AMPH: variants seen among roughly 807,000 people sequenced by gnomAD.
AMPH encodes amphiphysin, also known as amphiphysin (Stiff-Mann syndrome with breast cancer 128kD autoantigen).
In AMPH, 49 loss-of-function variants were observed where a neutral mutation model predicts 99.1. The observed-to-expected ratio is 0.49, with a 90% CI of 0.39 to 0.63. The LOEUF is 0.63. Among genes scored for constraint, AMPH ranks in the 20% least tolerant of loss-of-function variants. AMPH has a pLI of 0.00. For synonymous variants in AMPH, 314 were observed against 317.3 expected (o/e 0.99, Z 0.11); for missense variants, 759 against 863.4 (o/e 0.88, Z 1.52).
At position 38,417,893 on chromosome 7, in the gene AMPH, C is replaced by T; in HGVS notation, c.1330G>A (p.Val444Ile). 6.2e-7 allele frequency: 1 copy of T among 1,614,174 alleles called. No homozygotes were observed. The highest frequency in any genetic ancestry group is 2.2e-5 in the East Asian group (1 of 44,882). The change falls in exon 17 of 21, where the codon GTC (valine) becomes ATC (isoleucine). Residue 444 changes from valine (V) to isoleucine (I), a missense_variant. Transcript: ENST00000356264. ...EPKAEEPLAA[V>I]TPAVGLDLGM... ...AGGTCCAGACCAACGGCAGGTGTGA[C>T]AGCAGCCAGAGGCTCCTCTGCTTTT...
chr7:38,630,300 ACACAAATGAAGACCTCAGGG>A, intron 1 of AMPH, among the ~76,000 whole-genome samples: 1 of 152,196 alleles, frequency 6.6e-6, no homozygotes, highest in African/African-American at 2.4e-5. Context: ...TTTGCTCAGG[ACACAAATGAAGACCTCAGGG>A]CCGTCATATA....
chr7:38,485,163 C>A (rs1788439446), intron 5 of AMPH, among the ~76,000 whole-genome samples: 1 of 151,782 alleles, frequency 6.6e-6, no homozygotes, highest in Admixed American at 6.6e-5. Flanking sequence ...ATTAAATTCC[C>A]AGTCAAAAGA....
intron 3 of AMPH, among the ~76,000 whole-genome samples, chr7:38,498,134 C>T (rs1220435062): frequency 2.0e-5 from 3 of 152,168 alleles, no homozygotes; most frequent in African/African-American, 7.2e-5. Context: ...TCATGAATGC[C>T]ATCCAGTTGC....
chr7:38,530,598 G>T (rs907323873), intron 2 of AMPH, among the ~76,000 whole-genome samples: 2 of 152,190 alleles, frequency 1.3e-5, no homozygotes, highest in South Asian at 2.1e-4. Context: ...CAGCCCTCAA[G>T]GTATCTTCTT....
chr7:38,607,483 A>C (rs1793473714), intron 1 of AMPH, among the ~76,000 whole-genome samples: 1 of 152,196 alleles, frequency 6.6e-6, no homozygotes, highest in Non-Finnish European at 1.5e-5. Flanking sequence ...ATGATTTCTC[A>C]AGCTACCATC....
At chr7:38,591,946 T>C (rs549539237) in intron 1 of AMPH, among the ~76,000 whole-genome samples, 10 of 152,304 alleles carry the variant, frequency 6.6e-5, no homozygotes, top group African/African-American at 1.7e-4. Flanking sequence ...AAATATAGCA[T>C]GTGGAATGGG....
chr7:38,432,103 C>A (rs1786052195), intron 13 of AMPH, 86 bp downstream of exon 13: 1 of 1,164,096 alleles, frequency 8.6e-7, no homozygotes, highest in Non-Finnish European at 1.3e-6. Flanking sequence ...TGTCTTCTTT[C>A]TGTTGCAAAT....
In AMPH at chr7:38,610,250, A is replaced by AG. The variant is rs754172348; in HGVS notation, c.69+21032_69+21033insC. On this transcript the variant is annotated intron_variant, in intron 1 of 20. Transcript: ENST00000356264. ...AAGCTCTCTCAAAAAAAAAAAAAAA[A>AG]AAAAAAAAAAAAAGAAAGAAAGAAA... Among the ~76,000 whole-genome samples, 22 of 25,046 alleles carry AG rather than the reference A, an allele frequency of 8.8e-4. 4 individuals are homozygous for AG. The highest frequency in any genetic ancestry group is 1.3e-3 in the South Asian group (2 of 1,588). 16.4% of individuals were successfully genotyped at this position (25,046 alleles called of 152,430 possible). A position where few individuals can be genotyped will look rare whatever the true frequency, so the allele number is the denominator to read the frequency against.
intron 2 of AMPH, among the ~76,000 whole-genome samples, chr7:38,515,032 C>T (rs1405617924): frequency 1.3e-5 from 2 of 152,104 alleles, no homozygotes; most frequent in African/African-American, 4.8e-5. Context: ...ACCTAAATCT[C>T]CTTAGAGATT....
intron 1 of AMPH, among the ~76,000 whole-genome samples, chr7:38,556,320 G>A (rs1260334735): frequency 6.6e-6 from 1 of 152,090 alleles, no homozygotes; most frequent in Non-Finnish European, 1.5e-5. Context: ...TAATTTTACT[G>A]TTATTAGACA....
intron 1 of AMPH, among the ~76,000 whole-genome samples, chr7:38,567,138 C>T (rs563305981): frequency 7.2e-5 from 11 of 152,204 alleles, no homozygotes; most frequent in African/African-American, 2.2e-4. Flanking sequence ...TGGAACCAAC[C>T]GAAATGCTCA....
In AMPH at chr7:38,384,808, A is replaced by G. The variant is rs767185618; in HGVS notation, c.*10T>C. The G allele has an allele frequency of 3.7e-6, 6 of 1,611,188 alleles. No individual in the cohort carries two copies. In the South Asian group the frequency reaches 6.6e-5, roughly 18 times the overall value. On this transcript the variant is annotated 3_prime_UTR_variant, in exon 21 of 21. Coordinates refer to ENST00000356264, the MANE Select transcript of AMPH (RefSeq NM_001635.4). Reference sequence around the variant, plus strand: ...CCGTAACTGAGCTCCTTCTTGCAGTACTTGTTGCCCTAATCTAAGCGTCGG... The same window carrying G: ...CCGTAACTGAGCTCCTTCTTGCAGTGCTTGTTGCCCTAATCTAAGCGTCGG...
chr7:38,492,093 C>T (rs1214958380), intron 4 of AMPH, among the ~76,000 whole-genome samples: 1 of 152,250 alleles, frequency 6.6e-6, no homozygotes, highest in Non-Finnish European at 1.5e-5. Flanking sequence ...CTATTTGTCA[C>T]CAATCTCTAC....
chr7:38,572,303 A>G (rs1171660668), intron 1 of AMPH, among the ~76,000 whole-genome samples: 3 of 152,170 alleles, frequency 2.0e-5, no homozygotes, highest in Admixed American at 2.0e-4. Context: ...TATCTACAGT[A>G]TTCAGTGCAG....
At chr7:38,620,901 G>A (rs754569818) in intron 1 of AMPH, among the ~76,000 whole-genome samples, 8 of 152,144 alleles carry the variant, frequency 5.3e-5, no homozygotes, top group Admixed American at 6.5e-5. Flanking sequence ...CCCTTCAACA[G>A]GTAAGGGTAA....
At chr7:38,392,427 C>T (rs564184083) in intron 18 of AMPH, among the ~76,000 whole-genome samples, 1 of 125,210 alleles carries the variant, frequency 8.0e-6, no homozygotes, top group Non-Finnish European at 1.6e-5. Flanking sequence ...TGCTCTGTCG[C>T]CCAGGCTGGA....
chr7:38,537,449 A>T (rs1790655203), intron 1 of AMPH, among the ~76,000 whole-genome samples: 1 of 152,232 alleles, frequency 6.6e-6, no homozygotes, highest in South Asian at 2.1e-4. Context: ...GTATAAGCTT[A>T]TACTGAGAAA....
chr7:38,473,521 G>A (rs1331877014), intron 7 of AMPH, among the ~76,000 whole-genome samples: 1 of 72,796 alleles, frequency 1.4e-5, no homozygotes, highest in Admixed American at 1.8e-4. Context: ...TGGCTAACAA[G>A]GTGAAACCCC....
chr7:38,435,281 A>T (rs1207519062), intron 12 of AMPH, among the ~76,000 whole-genome samples: 1 of 152,208 alleles, frequency 6.6e-6, no homozygotes, highest in African/African-American at 2.4e-5. Flanking sequence ...TCTAGAAAAA[A>T]GCATGGACTA....
Sources: gnomAD v4.1 joint callset for allele counts (sites outside exome capture counted in the v4.1 genomes callset) on GRCh38, gnomAD v4.1.1 for gene constraint, MANE v1.5 for transcripts, NCBI Gene and HGNC (gene_info 2026-07-23, HGNC 2026-07-21) for gene names.